RYR2: variants seen among roughly 807,000 people sequenced by gnomAD.
RYR2 encodes cardiac muscle ryanodine receptor-calcium release channel.
RYR2 carries 227 observed loss-of-function variants against 601.1 expected under a neutral mutation model. The observed-to-expected ratio is 0.38, with a 90% confidence interval of 0.34 to 0.42. The LOEUF (loss-of-function observed/expected upper bound fraction) is 0.42. RYR2 is among the 10% of genes least tolerant of loss of function. The pLI is 1.00. For synonymous variants in RYR2, 2,223 were observed against 2,175.1 expected (o/e 1.02, Z -0.61); for missense variants, 4,646 against 6,156.5 (o/e 0.75, Z 8.21).
chr1:237,441,334 G>T lies in RYR2; in HGVS notation c.1021G>T (p.Gly341Trp). 1 of 1,613,608 alleles carries T rather than the reference G, an allele frequency of 6.2e-7. No individual in the cohort carries two copies. The highest frequency in any genetic ancestry group is 8.5e-7 in the Non-Finnish European group (1 of 1,179,666). Residue 341 changes from glycine (G) to tryptophan (W), a missense_variant, in exon 13 of 105, where the codon GGG (glycine) becomes TGG (tryptophan). Around this residue, in one of 17 missense-constraint regions of RYR2, gnomAD observed 1,807 missense variants for 2,088.1 expected, o/e 0.87. Transcript: ENST00000366574. ...FRSSKEKLDV[G>W]VRKEVDGMGT... ...CTCCCCTTAGGAAAAATTGGATGTA[G>T]GGGTGAGAAAAGAAGTAGATGGCAT...
chr1:237,110,467 C>T (rs1219999459), intron 1 of RYR2, among the ~76,000 whole-genome samples: 2 of 149,904 alleles, frequency 1.3e-5, no homozygotes, highest in African/African-American at 4.9e-5. Flanking sequence ...TTCCTGTGTC[C>T]ATGTGTTCTC....
At chr1:237,371,290 G>C (rs1700622491) in intron 6 of RYR2, among the ~76,000 whole-genome samples, 4 of 152,042 alleles carry the variant, frequency 2.6e-5, no homozygotes, top group Admixed American at 2.6e-4. Context: ...TGTGTAGCTA[G>C]GACTACAGGT....
chr1:237,349,291 A>G (rs1044033543), intron 3 of RYR2, among the ~76,000 whole-genome samples: 2 of 152,228 alleles, frequency 1.3e-5, no homozygotes, highest in African/African-American at 2.4e-5. Context: ...AGACAAAGGC[A>G]TGATATCTTT....
chr1:237,523,686 G>A (rs1158021664), intron 24 of RYR2, among the ~76,000 whole-genome samples: 5 of 151,604 alleles, frequency 3.3e-5, no homozygotes, highest in Non-Finnish European at 4.4e-5. Context: ...GCCGTGAGCC[G>A]AGATTATGCC....
intron 2 of RYR2, among the ~76,000 whole-genome samples, chr1:237,288,240 AG>A (rs1360576432): frequency 1.3e-5 from 2 of 152,170 alleles, no homozygotes; most frequent in Non-Finnish European, 1.5e-5. Context: ...GGACTCCATA[AG>A]GGTTCTTTGC....
Position 237,448,770 on chromosome 1 carries a change from T to A in RYR2, c.1292+3248T>A, listed in dbSNP as rs1657705105. ...TGGTAATATTCTTTTCTATGACATG[T>A]ACTTTGTATAATATGAACATAGCCC... On this transcript the variant is annotated intron_variant, in intron 14 of 104. Transcript: ENST00000366574. 2.0e-5 allele frequency among the ~76,000 whole-genome samples: 3 copies of A among 152,190 alleles called. No individual in the cohort carries two copies. In the South Asian group the frequency reaches 6.2e-4, roughly 32 times the overall value.
At chr1:237,258,029 G>A (rs1389545171) in intron 1 of RYR2, among the ~76,000 whole-genome samples, 1 of 151,748 alleles carries the variant, frequency 6.6e-6, no homozygotes, top group Non-Finnish European at 1.5e-5. Context: ...TTAGCCAGGT[G>A]TGGTGGCAGG....
chr1:237,214,253 G>T (rs1391712194), intron 1 of RYR2, among the ~76,000 whole-genome samples: 1 of 152,042 alleles, frequency 6.6e-6, no homozygotes, highest in Non-Finnish European at 1.5e-5. Flanking sequence ...GAATGTAGCT[G>T]CATTTTTCAT....
intron 1 of RYR2, among the ~76,000 whole-genome samples, chr1:237,157,396 A>C (rs1353923835): frequency 1.3e-5 from 2 of 152,108 alleles, no homozygotes; most frequent in Non-Finnish European, 2.9e-5. Flanking sequence ...GTAAATATCC[A>C]AAACAACAGC....
intron 1 of RYR2, among the ~76,000 whole-genome samples, chr1:237,147,509 A>C (rs1024125077): frequency 2.0e-5 from 3 of 152,200 alleles, no homozygotes; most frequent in Admixed American, 1.3e-4. Flanking sequence ...CCTTCTGTTC[A>C]ATGACCATTT....
At position 237,610,332 on chromosome 1, in the gene RYR2, G is replaced by A. The variant is rs1677697024; in HGVS notation, c.4684-430G>A. Among the ~76,000 whole-genome samples, 1 of 152,140 alleles carries A rather than the reference G, an allele frequency of 6.6e-6. No individual in the cohort carries two copies. The highest frequency in any genetic ancestry group is 2.4e-5 in the African/African-American group (1 of 41,424). ...GAGGAAGTGTCTTAAGGACGAGTTG[G>A]GTGACAGAGAACAGATATTGAGAGA... On this transcript the variant is annotated intron_variant, in intron 35 of 104. Coordinates refer to ENST00000366574, the MANE Select transcript of RYR2 (RefSeq NM_001035.3). This position sits in a 1 kb window ranked among gnomAD's most constrained non-coding sequence, Gnocchi z 4.9.
intron 24 of RYR2, among the ~76,000 whole-genome samples, chr1:237,527,740 C>T (rs1005258918): frequency 6.6e-6 from 1 of 152,278 alleles, no homozygotes; most frequent in African/African-American, 2.4e-5. Flanking sequence ...TGGAACCCTA[C>T]TTGGTTTTAT....
chr1:237,192,190 C>A (rs909707510), intron 1 of RYR2, among the ~76,000 whole-genome samples: 4 of 149,814 alleles, frequency 2.7e-5, no homozygotes, highest in African/African-American at 9.9e-5. Context: ...AAAAAAAAAA[C>A]ATTTTCTTAT....
At chr1:237,398,749 A>T (rs977811119) in intron 10 of RYR2, among the ~76,000 whole-genome samples, 18 of 152,244 alleles carry the variant, frequency 1.2e-4, no homozygotes, top group Non-Finnish European at 2.2e-4. Context: ...CATTTATTCT[A>T]AAGAATGAAA....
intron 79 of RYR2, among the ~76,000 whole-genome samples, chr1:237,738,598 A>C (rs1691344166): frequency 6.6e-6 from 1 of 152,118 alleles, no homozygotes; most frequent in African/African-American, 2.4e-5. Context: ...AAAGGGCAGT[A>C]GGCTGTGTGT....
chr1:237,779,376 A>AAAAG (rs1283753600), intron 88 of RYR2, among the ~76,000 whole-genome samples: 3 of 152,356 alleles, frequency 2.0e-5, no homozygotes, highest in African/African-American at 7.2e-5. Context: ...ATTTGAAACA[A>AAAAG]AAAGATACAC....
Position 237,441,313 on chromosome 1 carries a change from C to T in RYR2, c.1006-6C>T, listed in dbSNP as rs1010185386. 1.2e-6 allele frequency: 2 copies of T among 1,613,052 alleles called. No homozygotes were observed. The highest frequency in any genetic ancestry group is 1.7e-5 in the Admixed American group (1 of 59,940). ...TACTGACCTTTTTTTCCTCCTCTCC[C>T]CTTAGGAAAAATTGGATGTAGGGGT... On this transcript the variant is annotated splice_region_variant and splice_polypyrimidine_tract_variant and intron_variant, in intron 12 of 104. Transcript: ENST00000366574.
intron 1 of RYR2, among the ~76,000 whole-genome samples, chr1:237,045,658 C>T (rs534316332): frequency 2.5e-4 from 38 of 152,172 alleles, no homozygotes; most frequent in South Asian, 1.7e-3. Flanking sequence ...CTGTCATATC[C>T]AAACATATCC....
At chr1:237,787,364 C>T (rs1393644650) in intron 91 of RYR2, among the ~76,000 whole-genome samples, 5 of 151,488 alleles carry the variant, frequency 3.3e-5, no homozygotes, top group South Asian at 2.1e-4. Flanking sequence ...CCGAGGCGGG[C>T]GGATCATAAG....
Sources: gnomAD v4.1 joint callset for allele counts (sites outside exome capture counted in the v4.1 genomes callset) on GRCh38, gnomAD v4.1.1 for gene constraint, gnomAD v4.1.1 regional missense constraint, Gnocchi (gnomAD v3.1) non-coding constraint, MANE v1.5 for transcripts, NCBI Gene and HGNC (gene_info 2026-07-23, HGNC 2026-07-21) for gene names.